CYYR1: variants seen among roughly 807,000 people sequenced by gnomAD.
The protein encoded by CYYR1 is cysteine and tyrosine-rich protein 1.
Under a neutral mutation model 15.2 loss-of-function variants are expected in CYYR1, and 14 were observed. The observed-to-expected ratio is 0.92, with a 90% confidence interval of 0.61 to 1.44. CYYR1 has a LOEUF of 1.44. Among genes scored for constraint, CYYR1 ranks in the 40% most tolerant of loss-of-function variants. The pLI, the probability that CYYR1 is intolerant of heterozygous loss-of-function variation, is 0.00. For missense variants in CYYR1, 228 were observed against 209.5 expected (o/e 1.09, Z -0.54); for synonymous variants, 80 against 77.4 (o/e 1.03, Z -0.18).
At chr21:26,523,933 A>G (rs1208230302) in intron 2 of CYYR1, among the ~76,000 whole-genome samples, 1 of 152,234 alleles carries the variant, frequency 6.6e-6, no homozygotes, top group Non-Finnish European at 1.5e-5. Context: ...CCATAAGAAC[A>G]AAGTAAAAAT....
At chr21:26,474,408 C>CTTT (rs35912064) in intron 3 of CYYR1, among the ~76,000 whole-genome samples, 1,382 of 125,532 alleles carry the variant, frequency 0.011, 26 homozygotes, top group African/African-American at 0.039. Context: ...TACACCGTGC[C>CTTT]TTTTTTTTTT....
rs940743068 is a variant in CYYR1, at chr21:26,468,352, A to G, written c.*149T>C. 8.6e-6 allele frequency: 6 copies of G among 698,804 alleles called. No individual in the cohort carries two copies. The highest frequency in any genetic ancestry group is 8.0e-5 in the East Asian group (3 of 37,366). 43.3% of individuals were successfully genotyped at this position (698,804 alleles called of 1,614,324 possible). ...CAGCTTTGAGCAGAGTAGAAATCCTATATCTCCTAGCAGGGATATTCCACC... is the reference window on the plus strand; with the variant it reads ...CAGCTTTGAGCAGAGTAGAAATCCTGTATCTCCTAGCAGGGATATTCCACC... On this transcript the variant is annotated 3_prime_UTR_variant, in exon 4 of 4. Transcript: ENST00000652641.
chr21:26,501,985 T>C (rs529222830), intron 2 of CYYR1, among the ~76,000 whole-genome samples: 1 of 152,144 alleles, frequency 6.6e-6, no homozygotes, highest in Non-Finnish European at 1.5e-5. Flanking sequence ...AAAAGAAATA[T>C]GAATAATATC....
intron 2 of CYYR1, among the ~76,000 whole-genome samples, chr21:26,514,477 A>G (rs2065693839): frequency 6.6e-6 from 1 of 152,158 alleles, no homozygotes; most frequent in Non-Finnish European, 1.5e-5. Flanking sequence ...TCCACTGTAA[A>G]TGGAGGCAGT....
intron 2 of CYYR1, among the ~76,000 whole-genome samples, chr21:26,547,586 G>A (rs913908015): frequency 6.6e-6 from 1 of 152,150 alleles, no homozygotes; most frequent in African/African-American, 2.4e-5. Context: ...CCCAATGTGT[G>A]GTGGGGCAAC....
chr21:26,513,529 C>T (rs2065679462), intron 2 of CYYR1, among the ~76,000 whole-genome samples: 1 of 152,056 alleles, frequency 6.6e-6, no homozygotes, highest in Non-Finnish European at 1.5e-5. Context: ...CCATAAAAAG[C>T]AAGGTTTTTG....
chr21:26,496,863 G>C (rs1326085342), intron 2 of CYYR1, among the ~76,000 whole-genome samples: 1 of 152,102 alleles, frequency 6.6e-6, no homozygotes, highest in African/African-American at 2.4e-5. Context: ...CCCACCAGAT[G>C]TGAGTGAATC....
chr21:26,503,423 G>T (rs952059398), intron 2 of CYYR1, among the ~76,000 whole-genome samples: 1 of 151,966 alleles, frequency 6.6e-6, no homozygotes, highest in Non-Finnish European at 1.5e-5. Context: ...AACAAATATT[G>T]AATAAATAAC....
rs776763822 is a variant in CYYR1, at chr21:26,467,444, A to G, written c.*1057T>C. ...GAAGAAAAAAATAATAGTTTTAAGG[A>G]AATCTACAGAAGGGAATCTGAACTT... On this transcript the variant is annotated 3_prime_UTR_variant, in exon 4 of 4. Coordinates refer to ENST00000652641, the MANE Select transcript of CYYR1 (RefSeq NM_001320768.2). The G allele has an allele frequency of 6.6e-6, 1 of 152,150 alleles. No homozygotes were observed. Among genetic ancestry groups the G allele is most frequent in the Non-Finnish European group, 1.5e-5 (1 of 68,028 alleles). The allele number at this position is 152,150 out of a possible 1,614,324, so 9.4% of individuals were successfully genotyped here. A position where few individuals can be genotyped will look rare whatever the true frequency, so the allele number is the denominator to read the frequency against.
chr21:26,512,493 G>A (rs111858933), intron 2 of CYYR1, among the ~76,000 whole-genome samples: 10 of 152,148 alleles, frequency 6.6e-5, no homozygotes, highest in East Asian at 3.9e-4. Flanking sequence ...GAGCCACCGC[G>A]CCCGGCCCAC....
Position 26,481,414 on chromosome 21 carries a change from A to T in CYYR1, c.177-985T>A, listed in dbSNP as rs138396299. On this transcript the variant is annotated intron_variant, in intron 2 of 3. Transcript: ENST00000652641. ...CTTACATATTGATTAAAAAGGGTCA[A>T]GAGATCCACATGGATTGAAGTGAAA... Among the ~76,000 whole-genome samples, 369 of 152,218 alleles carry T rather than the reference A, an allele frequency of 2.4e-3. 1 individual carries two copies. Among genetic ancestry groups the T allele is most frequent in the African/African-American group, 8.2e-3 (340 of 41,560 alleles).
At chr21:26,536,384 T>C (rs1978301928) in intron 2 of CYYR1, among the ~76,000 whole-genome samples, 1 of 152,178 alleles carries the variant, frequency 6.6e-6, no homozygotes. Context: ...ATGGGTATGT[T>C]TATAGTCTGT....
At position 26,573,194 on chromosome 21, in the gene CYYR1, C is replaced by T. The variant is rs749106796; in HGVS notation, c.-254G>A. On this transcript the variant is annotated 5_prime_UTR_variant, in exon 1 of 4. Coordinates refer to ENST00000652641, the MANE Select transcript of CYYR1 (RefSeq NM_001320768.2). ...GCTGGGGGCCCAGGTCTCTTTGTCT[C>T]GCCCCACTGCGCTCAGGCGCGGGGA... is the stretch of plus-strand genomic sequence containing the variant. The T allele has an allele frequency of 2.1e-6, 3 of 1,452,456 alleles. No homozygotes were observed. The South Asian group carries it at 3.7e-5, about 18-fold the overall frequency. The allele number at this position is 1,452,456 out of a possible 1,614,324, so 90.0% of individuals were successfully genotyped here.
At chr21:26,562,793 T>G (rs59311554) in intron 2 of CYYR1, among the ~76,000 whole-genome samples, 2 of 41,584 alleles carry the variant, frequency 4.8e-5, no homozygotes, top group Non-Finnish European at 4.7e-5. Flanking sequence ...CACAGAGACA[T>G]ACACAAACAC....
At chr21:26,559,739 G>A (rs1367576761) in intron 2 of CYYR1, among the ~76,000 whole-genome samples, 1 of 152,086 alleles carries the variant, frequency 6.6e-6, no homozygotes, top group Admixed American at 6.6e-5. Flanking sequence ...AGTCTGTAAT[G>A]CCATTTCTGT....
chr21:26,562,038 T>C (rs1387820564), intron 2 of CYYR1, among the ~76,000 whole-genome samples: 1 of 152,196 alleles, frequency 6.6e-6, no homozygotes, highest in Admixed American at 6.5e-5. Context: ...AAGTTAAACA[T>C]CCCTTTCCAT....
chr21:26,493,873 A>G (rs1334561617), intron 2 of CYYR1, among the ~76,000 whole-genome samples: 1 of 152,232 alleles, frequency 6.6e-6, no homozygotes, highest in Non-Finnish European at 1.5e-5. Flanking sequence ...ACTCTTTAAT[A>G]CTGCATTACA....
chr21:26,491,262 A>G (rs1158381261), intron 2 of CYYR1, among the ~76,000 whole-genome samples: 1 of 152,134 alleles, frequency 6.6e-6, no homozygotes, highest in African/African-American at 2.4e-5. Context: ...GAAACTTCCC[A>G]CTGAGCTAAT....
At chr21:26,564,108 T>A (rs1213856123) in intron 2 of CYYR1, among the ~76,000 whole-genome samples, 1 of 152,076 alleles carries the variant, frequency 6.6e-6, no homozygotes, top group Non-Finnish European at 1.5e-5. Flanking sequence ...TGTGACAACC[T>A]GTGTATGAAG....
Sources: gnomAD v4.1 joint callset for allele counts (sites outside exome capture counted in the v4.1 genomes callset) on GRCh38, gnomAD v4.1.1 for gene constraint, MANE v1.5 for transcripts, NCBI Gene and HGNC (gene_info 2026-07-23, HGNC 2026-07-21) for gene names.